FGD4: variants seen among roughly 807,000 people sequenced by gnomAD.
The protein encoded by FGD4 is FYVE, RhoGEF and PH domain containing 4.
FGD4 carries 42 observed loss-of-function variants against 102.0 expected under a neutral mutation model. The observed-to-expected ratio is 0.41, with a 90% CI of 0.32 to 0.53. The LOEUF is 0.53. Among genes scored for constraint, FGD4 ranks in the 20% least tolerant of loss-of-function variants. The pLI is 0.21. For synonymous variants in FGD4, 380 were observed against 375.7 expected (o/e 1.01, Z -0.13); for missense variants, 902 against 1,078.2 (o/e 0.84, Z 2.29).
chr12:32,595,047 C>A (rs1031838894), intron 4 of FGD4, among the ~76,000 whole-genome samples: 68 of 139,752 alleles, frequency 4.9e-4, no homozygotes, highest in Non-Finnish European at 9.1e-4. Context: ...AAAAAAAAAA[C>A]AACACAGCAA....
intron 11 of FGD4, 43 bp from the exon 12 acceptor site, chr12:32,624,379 C>G: frequency 6.9e-7 from 1 of 1,440,782 alleles, no homozygotes; most frequent in East Asian, 2.3e-5. Context: ...CAGTGTGAAT[C>G]ATTAATATTA....
intron 1 of FGD4, among the ~76,000 whole-genome samples, chr12:32,430,673 A>G (rs528002383): frequency 6.0e-4 from 91 of 152,282 alleles, no homozygotes; most frequent in African/African-American, 2.0e-3. Context: ...TCTTACTGGT[A>G]TATGTTTTTC....
At chr12:32,612,077 G>A (rs1949175933) in intron 10 of FGD4, among the ~76,000 whole-genome samples, 1 of 152,228 alleles carries the variant, frequency 6.6e-6, no homozygotes, top group South Asian at 2.1e-4. Context: ...CAGCCCCCTG[G>A]TATCTCAGCC....
chr12:32,594,736 A>T (rs12308526), intron 4 of FGD4, among the ~76,000 whole-genome samples: 5,850 of 137,962 alleles, frequency 0.042, 364 homozygotes, highest in African/African-American at 0.14. Flanking sequence ...ATTCTGGCTT[A>T]GAAAAGCAAA....
At position 32,602,324 on chromosome 12, in the gene FGD4, G is replaced by C. The variant is rs761230425; in HGVS notation, c.1404+7G>C. The C allele has an allele frequency of 1.2e-6, 2 of 1,613,896 alleles. No individual in the cohort carries two copies. Among genetic ancestry groups the C allele is most frequent in the South Asian group, 2.2e-5 (2 of 91,068 alleles). On this transcript the variant is annotated splice_region_variant and intron_variant, in intron 7 of 16. Transcript: ENST00000534526. ...AGTGGTTGAAGAAATTCAGGTAATAGGACTGTTTTGTTCAAAGCTATGAAT... is the reference window on the plus strand; with the variant it reads ...AGTGGTTGAAGAAATTCAGGTAATACGACTGTTTTGTTCAAAGCTATGAAT...
intron 11 of FGD4, among the ~76,000 whole-genome samples, chr12:32,620,309 G>T (rs1949729968): frequency 2.6e-5 from 4 of 152,080 alleles, no homozygotes; most frequent in Admixed American, 2.0e-4. Context: ...CAAATGAAAA[G>T]AAATGTTCAT....
intron 1 of FGD4, among the ~76,000 whole-genome samples, chr12:32,474,053 A>T (rs966436127): frequency 6.6e-6 from 1 of 151,518 alleles, no homozygotes. Flanking sequence ...GCGCCACTGC[A>T]CTCCAGCCTG....
At chr12:32,574,750 A>G (rs369150583) in intron 2 of FGD4, 1 of 152,148 alleles carries the variant, frequency 6.6e-6, no homozygotes, top group Non-Finnish European at 1.5e-5. Flanking sequence ...GCATGAGCCA[A>G]CTGTCAGCTA....
chr12:32,564,174 T>G lies in FGD4; in HGVS notation c.204T>G (p.Pro68=). 1 of 1,536,118 alleles carries G rather than the reference T, an allele frequency of 6.5e-7. No homozygotes were observed. Among genetic ancestry groups the G allele is most frequent in the Non-Finnish European group, 8.7e-7 (1 of 1,146,904 alleles). ...GTCCAAAGATCGCTTTAGTTCCACC[T>G]TGCTCCACAAGCAGCACAACCACAC... ...STCPKIALVP[P]CSTSSTTTLV... Residue 68 remains proline, a synonymous_variant, in exon 2 of 17, where the codon CCT becomes CCG. Transcript: ENST00000534526.
chr12:32,638,947 G>A (rs1347685532), intron 16 of FGD4, 152 bp downstream of exon 16: 2 of 1,488,450 alleles, frequency 1.3e-6, no homozygotes, highest in African/African-American at 1.4e-5. Flanking sequence ...CAAGTTTGTT[G>A]TTTAAGCTGA....
intron 1 of FGD4, among the ~76,000 whole-genome samples, chr12:32,453,210 A>G (rs1319790717): frequency 5.6e-5 from 3 of 53,984 alleles, no homozygotes; most frequent in African/African-American, 1.3e-4. Context: ...TTATATATAT[A>G]TATATATATA....
intron 15 of FGD4, among the ~76,000 whole-genome samples, chr12:32,634,947 C>T (rs933545426): frequency 4.0e-5 from 6 of 151,892 alleles, no homozygotes; most frequent in African/African-American, 1.5e-4. Context: ...AAGATTGCGC[C>T]ACTGCACTCC....
intron 14 of FGD4, among the ~76,000 whole-genome samples, chr12:32,628,377 A>AAAAAAAGCCTCCACTAGAG (rs2136972711): frequency 6.6e-6 from 1 of 152,172 alleles, no homozygotes; most frequent in East Asian, 1.9e-4. Flanking sequence ...AAGTGGGAAA[A>AAAAAAAGCCTCCACTAGAG]AAAAAAGCCT....
chr12:32,414,537 T>A (rs1445464934), intron 1 of FGD4, among the ~76,000 whole-genome samples: 1 of 150,272 alleles, frequency 6.7e-6, no homozygotes, highest in Non-Finnish European at 1.5e-5. Context: ...ATTCTTTCTA[T>A]TTTTTTTTGT....
At chr12:32,408,647 ACTT>A (rs1565722746) in intron 1 of FGD4, among the ~76,000 whole-genome samples, 2 of 150,014 alleles carry the variant, frequency 1.3e-5, no homozygotes, top group African/African-American at 2.4e-5. Flanking sequence ...TGCTGCCCTC[ACTT>A]CTTCATCTTC....
rs143129467 is a variant in FGD4 at position 32,633,322 on chromosome 12, G to A, written c.2173-227G>A. ...GTATGAAGAGTCAAAGTCTTTGAAGGTCTTCTACCTTTAGAGGCCAGGAAA... is the reference window on the plus strand; with the variant it reads ...GTATGAAGAGTCAAAGTCTTTGAAGATCTTCTACCTTTAGAGGCCAGGAAA... On this transcript the variant is annotated intron_variant, in intron 14 of 16. Transcript: ENST00000534526. Among the ~76,000 whole-genome samples the A allele has an allele frequency of 2.2e-3, 331 of 152,284 alleles. 9 individuals are homozygous for A. The South Asian group carries it at 0.036, about 17-fold the overall frequency.
intron 1 of FGD4, among the ~76,000 whole-genome samples, chr12:32,402,871 A>C (rs1940748301): frequency 6.6e-6 from 1 of 152,050 alleles, no homozygotes; most frequent in Non-Finnish European, 1.5e-5. Flanking sequence ...CACCCTGTTC[A>C]ATTTGGGAAG....
intron 1 of FGD4, among the ~76,000 whole-genome samples, chr12:32,497,109 G>A (rs1937869716): frequency 6.6e-6 from 1 of 152,128 alleles, no homozygotes; most frequent in Non-Finnish European, 1.5e-5. Context: ...GTCAATGTTG[G>A]TTGTTTTTTT....
intron 1 of FGD4, among the ~76,000 whole-genome samples, chr12:32,539,386 A>G (rs1199662023): frequency 1.3e-5 from 2 of 152,080 alleles, no homozygotes; most frequent in African/African-American, 4.8e-5. Flanking sequence ...CCTGACCAAC[A>G]TGGAGAAACC....
Sources: gnomAD v4.1 joint callset for allele counts (sites outside exome capture counted in the v4.1 genomes callset) on GRCh38, gnomAD v4.1.1 for gene constraint, MANE v1.5 for transcripts, NCBI Gene and HGNC (gene_info 2026-07-23, HGNC 2026-07-21) for gene names.